The following CENPW variants were observed in gnomAD, a reference collection of about 807,000 sequenced individuals.
CENPW encodes cancer-up-regulated gene 2 protein.
In CENPW, 3 loss-of-function variants were observed where a neutral mutation model predicts 11.1. The observed-to-expected ratio is 0.27, with a 90% CI of 0.12 to 0.70. The LOEUF is 0.70. CENPW is among the 30% of genes least tolerant of loss of function. The pLI, the probability that CENPW is intolerant of heterozygous loss-of-function variation, is 0.77. For synonymous variants in CENPW, 38 were observed against 42.0 expected, an observed-to-expected ratio of 0.91 and a Z score of 0.37; for missense variants, 100 against 105.6, an observed-to-expected ratio of 0.95 and a Z score of 0.23.
At chr6:126,431,135 G>T in the CENPW span, among the ~76,000 whole-genome samples, 1 of 152,054 alleles carries the variant, frequency 6.6e-6, no homozygotes, top group African/African-American at 2.4e-5. Context: ...AATATCCTTA[G>T]GACAGCCAAG....
the CENPW span, among the ~76,000 whole-genome samples, chr6:126,401,922 A>T: frequency 2.0e-5 from 3 of 152,124 alleles, no homozygotes; most frequent in South Asian, 6.2e-4. Flanking sequence ...TCATTAAAAA[A>T]TTTATCTTAA....
the CENPW span, among the ~76,000 whole-genome samples, chr6:126,442,370 A>G: frequency 1.2e-4 from 18 of 151,164 alleles, no homozygotes; most frequent in South Asian, 3.5e-3. Flanking sequence ...AATAGATGGG[A>G]CATAATTACA....
At chr6:126,353,494 A>G (rs1265740536), downstream of CENPW, among the ~76,000 whole-genome samples, 1 of 151,790 alleles carries the variant, frequency 6.6e-6, no homozygotes, top group Non-Finnish European at 1.5e-5. Context: ...CTGTTGCTAA[A>G]GGTTTTTCTT....
chr6:126,349,700 C>G (rs1316820679), downstream of CENPW, among the ~76,000 whole-genome samples: 1 of 152,106 alleles, frequency 6.6e-6, no homozygotes, highest in Admixed American at 6.6e-5. Context: ...TATAACTATT[C>G]ACTTAAATTG....
At chr6:126,371,900 T>G in the CENPW span, among the ~76,000 whole-genome samples, 2 of 152,050 alleles carry the variant, frequency 1.3e-5, no homozygotes, top group Non-Finnish European at 2.9e-5. Context: ...AATCTTTTTC[T>G]TTTTTCTTTT....
chr6:126,358,565 T>G, the CENPW span, among the ~76,000 whole-genome samples: 1 of 152,206 alleles, frequency 6.6e-6, no homozygotes, highest in Non-Finnish European at 1.5e-5. Context: ...GCCTCCTTGA[T>G]TGTGATGTAT....
the CENPW span, among the ~76,000 whole-genome samples, chr6:126,416,426 G>A: frequency 2.6e-5 from 4 of 152,292 alleles, no homozygotes; most frequent in Non-Finnish European, 4.4e-5. Context: ...CAAGCTGGCC[G>A]CAGAAATTTG....
chr6:126,415,872 A>T, the CENPW span, among the ~76,000 whole-genome samples: 1 of 152,124 alleles, frequency 6.6e-6, no homozygotes, highest in Non-Finnish European at 1.5e-5. Flanking sequence ...TTATGTCTTT[A>T]TTGGCAGCAT....
the CENPW span, among the ~76,000 whole-genome samples, chr6:126,364,901 G>A: frequency 6.5e-4 from 99 of 152,268 alleles, no homozygotes; most frequent in African/African-American, 1.7e-3. Context: ...AAGGTATTTA[G>A]TCCCCACAAA....
the CENPW span, among the ~76,000 whole-genome samples, chr6:126,415,911 C>G: frequency 6.6e-6 from 1 of 152,020 alleles, no homozygotes; most frequent in South Asian, 2.1e-4. Context: ...TAAATTGGTA[C>G]CAGTAGAGTG....
chr6:126,458,872 A>G, the CENPW span, among the ~76,000 whole-genome samples: 1 of 151,372 alleles, frequency 6.6e-6, no homozygotes, highest in Non-Finnish European at 1.5e-5. Context: ...TTAATTTTAC[A>G]TTCTCAGATC....
the CENPW span, among the ~76,000 whole-genome samples, chr6:126,358,037 T>A: frequency 6.6e-6 from 1 of 152,244 alleles, no homozygotes; most frequent in African/African-American, 2.4e-5. Flanking sequence ...ATTTATAGAA[T>A]TGCTATTGAA....
chr6:126,414,657 T>C, the CENPW span, among the ~76,000 whole-genome samples: 7 of 151,882 alleles, frequency 4.6e-5, no homozygotes, highest in South Asian at 6.2e-4. Flanking sequence ...TAGCAATAAG[T>C]ACCTACACCA....
the CENPW span, among the ~76,000 whole-genome samples, chr6:126,385,307 A>G: frequency 6.6e-6 from 1 of 152,150 alleles, no homozygotes; most frequent in African/African-American, 2.4e-5. Context: ...ATGTGCACAC[A>G]TATGTTAATC....
the CENPW span, among the ~76,000 whole-genome samples, chr6:126,418,385 A>G: frequency 6.6e-6 from 1 of 152,222 alleles, no homozygotes; most frequent in Admixed American, 6.5e-5. Context: ...AAAATGTGGT[A>G]TATCCATACC....
chr6:126,421,973 G>GA, the CENPW span, among the ~76,000 whole-genome samples: 1 of 151,918 alleles, frequency 6.6e-6, no homozygotes, highest in East Asian at 1.9e-4. Context: ...GAGCAGTCAG[G>GA]AAAAAAATTA....
the CENPW span, among the ~76,000 whole-genome samples, chr6:126,408,763 G>A: frequency 6.6e-6 from 1 of 151,726 alleles, no homozygotes; most frequent in African/African-American, 2.4e-5. Flanking sequence ...CCATTTTGTT[G>A]TATGGTTATT....
At chr6:126,359,043 A>G in the CENPW span, among the ~76,000 whole-genome samples, 1 of 151,274 alleles carries the variant, frequency 6.6e-6, no homozygotes, top group Non-Finnish European at 1.5e-5. Flanking sequence ...AGACCTTTCT[A>G]AGTTTTTGAT....
At chr6:126,417,428 T>A in the CENPW span, among the ~76,000 whole-genome samples, 2 of 152,142 alleles carry the variant, frequency 1.3e-5, no homozygotes, top group Admixed American at 1.3e-4. Flanking sequence ...GGTTTTGAAA[T>A]GTGAGGACAT....
Sources: gnomAD v4.1 joint callset for allele counts (sites outside exome capture counted in the v4.1 genomes callset) on GRCh38, gnomAD v4.1.1 for gene constraint, MANE v1.5 for transcripts, NCBI Gene and HGNC (gene_info 2026-07-23, HGNC 2026-07-21) for gene names.